Variants in TIAM1 observed in about 807,000 individuals in gnomAD.
TIAM1 encodes the protein rho guanine nucleotide exchange factor TIAM1.
TIAM1 carries 65 observed loss-of-function variants against 163.5 expected under a neutral mutation model. The observed-to-expected ratio is 0.40, with a 90% CI of 0.33 to 0.49. The LOEUF (loss-of-function observed/expected upper bound fraction) is 0.49. TIAM1 is among the 20% of genes least tolerant of loss of function. The pLI, the probability that TIAM1 is intolerant of heterozygous loss-of-function variation, is 0.77. For missense variants in TIAM1, 1,789 were observed against 2,044.7 expected, an observed-to-expected ratio of 0.87 and a Z score of 2.41; for synonymous variants, 833 against 810.1, an observed-to-expected ratio of 1.03 and a Z score of -0.48.
At chr21:31,500,161 T>G (rs1294960543) in intron 1 of TIAM1, among the ~76,000 whole-genome samples, 1 of 151,934 alleles carries the variant, frequency 6.6e-6, no homozygotes, top group Admixed American at 6.6e-5. Flanking sequence ...CGAGACTCCA[T>G]CTCAAAAAAT....
chr21:31,517,058 AAAAAAAAAG>A (rs2047407005), intron 1 of TIAM1, among the ~76,000 whole-genome samples: 1 of 151,530 alleles, frequency 6.6e-6, no homozygotes, highest in African/African-American at 2.4e-5. Flanking sequence ...CAAAAAAAAA[AAAAAAAAAG>A]AAAAGAAAAG....
intron 2 of TIAM1, among the ~76,000 whole-genome samples, chr21:31,294,000 C>T (rs1016872113): frequency 1.3e-5 from 2 of 152,180 alleles, no homozygotes; most frequent in Admixed American, 1.3e-4. Context: ...CATAAGCTAC[C>T]CTGTTGGTGT....
At chr21:31,157,164 CA>C (rs2083662394) in intron 16 of TIAM1, among the ~76,000 whole-genome samples, 1 of 152,098 alleles carries the variant, frequency 6.6e-6, no homozygotes, top group South Asian at 2.1e-4. Context: ...AAATAAAGAC[CA>C]AAAGACTTCT....
At position 31,141,489 on chromosome 21, in the gene TIAM1, G is replaced by A. The variant is rs573213076; in HGVS notation, c.3491C>T (p.Ala1164Val). ...KVLVKAKTDT[A>V]FKAFLDAQNP... Reference sequence around the variant, plus strand: ...CTGGGCATCCAAGAATGCCTTGAAAGCCGTGTCTGTCTTGGCTGGCAGGGT... The same window carrying A: ...CTGGGCATCCAAGAATGCCTTGAAAACCGTGTCTGTCTTGGCTGGCAGGGT... The change falls in exon 21 of 28, where the codon GCT (alanine) becomes GTT (valine). Residue 1164 changes from alanine to valine, a missense_variant. This residue lies in a region of TIAM1 where 60 missense variants were observed against 132.6 expected (regional missense o/e 0.45). Transcript: ENST00000541036. The surrounding 1 kb of genome is among the most constrained non-coding windows in gnomAD (Gnocchi z 4.7). 2.5e-6 allele frequency: 4 copies of A among 1,614,114 alleles called. No homozygotes were observed. The highest frequency in any genetic ancestry group is 3.4e-6 in the Non-Finnish European group (4 of 1,180,004).
chr21:31,283,125 C>G (rs2073643291), intron 2 of TIAM1, among the ~76,000 whole-genome samples: 1 of 152,196 alleles, frequency 6.6e-6, no homozygotes, highest in Admixed American at 6.5e-5. Flanking sequence ...CAACTTAGGG[C>G]GAGCTACCAT....
intron 2 of TIAM1, among the ~76,000 whole-genome samples, chr21:31,394,806 C>G (rs2082076649): frequency 6.7e-6 from 1 of 149,138 alleles, no homozygotes; most frequent in Non-Finnish European, 1.5e-5. Context: ...ACACACAGGG[C>G]TCCTGTTTAT....
chr21:31,318,753 A>C (rs1287992561), intron 2 of TIAM1, among the ~76,000 whole-genome samples: 4 of 152,178 alleles, frequency 2.6e-5, no homozygotes, highest in African/African-American at 9.6e-5. Flanking sequence ...TTTTGTCTTT[A>C]TCTTGATAAT....
intron 11 of TIAM1, among the ~76,000 whole-genome samples, chr21:31,209,023 C>T (rs1015113474): frequency 1.3e-4 from 20 of 152,124 alleles, no homozygotes; most frequent in African/African-American, 4.6e-4. Context: ...TTCTTCTGAG[C>T]CTTACTGATT....
In TIAM1 at chr21:31,120,263, G is replaced by T; in HGVS notation, c.*105C>A. ...CAAGTCAGCTGCCAAAACCGTGTGTGCAAGAGCGCGACCTAAGGGGACATT... is the reference window on the plus strand; with the variant it reads ...CAAGTCAGCTGCCAAAACCGTGTGTTCAAGAGCGCGACCTAAGGGGACATT... On this transcript the variant is annotated 3_prime_UTR_variant, in exon 28 of 28. Transcript: ENST00000541036. The surrounding 1 kb of genome is among the most constrained non-coding windows in gnomAD (Gnocchi z 4.2). 8.2e-7 allele frequency: 1 copy of T among 1,212,356 alleles called. No individual in the cohort carries two copies. The highest frequency in any genetic ancestry group is 1.1e-6 in the Non-Finnish European group (1 of 881,200). 75.1% of individuals were successfully genotyped at this position (1,212,356 alleles called of 1,614,324 possible). A position where few individuals can be genotyped will look rare whatever the true frequency, so the allele number is the denominator to read the frequency against.
At chr21:31,344,006 G>C (rs915150625) in intron 1 of TIAM1, 132 bp downstream of exon 1, 1 of 152,186 alleles carries the variant, frequency 6.6e-6, no homozygotes, top group Non-Finnish European at 1.5e-5. Flanking sequence ...ACGGTTCCCC[G>C]GCCCCAGCTG....
At chr21:31,301,408 C>T (rs939806460) in intron 2 of TIAM1, among the ~76,000 whole-genome samples, 2 of 152,150 alleles carry the variant, frequency 1.3e-5, no homozygotes, top group African/African-American at 4.8e-5. Context: ...AAACAAGACA[C>T]CATTGGGATT....
intron 17 of TIAM1, 95 bp downstream of exon 17, chr21:31,154,152 C>A (rs2083503869): frequency 7.4e-7 from 1 of 1,346,928 alleles, no homozygotes. Context: ...TTCATGAACA[C>A]AGTTTAAATC....
At chr21:31,322,793 C>T (rs1421063260) in intron 2 of TIAM1, among the ~76,000 whole-genome samples, 1 of 151,898 alleles carries the variant, frequency 6.6e-6, no homozygotes, top group Non-Finnish European at 1.5e-5. Flanking sequence ...ACATTTTAAA[C>T]CTATCTACAC....
chr21:31,431,662 C>T (rs543452435), intron 2 of TIAM1, among the ~76,000 whole-genome samples: 35 of 152,350 alleles, frequency 2.3e-4, no homozygotes, highest in African/African-American at 8.4e-4. Flanking sequence ...TAGGCAATTA[C>T]GTCACTTTAC....
intron 1 of TIAM1, among the ~76,000 whole-genome samples, chr21:31,468,372 A>G (rs2045607713): frequency 6.6e-6 from 1 of 151,990 alleles, no homozygotes; most frequent in South Asian, 2.1e-4. Flanking sequence ...AATCCCAGCT[A>G]CTTGGGAGGC....
chr21:31,512,530 C>A (rs963304690), intron 1 of TIAM1, among the ~76,000 whole-genome samples: 1 of 152,198 alleles, frequency 6.6e-6, no homozygotes, highest in Admixed American at 6.5e-5. Flanking sequence ...ATATTTAACT[C>A]CAGGGACTAA....
chr21:31,529,779 C>CTCTTT (rs58351343), intron 1 of TIAM1, among the ~76,000 whole-genome samples: 60,704 of 151,778 alleles, frequency 0.4, 12,591 homozygotes, highest in Admixed American at 0.47. Flanking sequence ...ATCATCTCTC[C>CTCTTT]TAACTCCAGA....
At chr21:31,452,887 A>G in intron 2 of TIAM1, 1 of 516,942 alleles carries the variant, frequency 1.9e-6, no homozygotes, top group Non-Finnish European at 3.9e-6. Flanking sequence ...TCTTTTTGGT[A>G]TGACGATGTC....
chr21:31,250,879 A>C (rs1361133802), intron 5 of TIAM1, among the ~76,000 whole-genome samples: 1 of 124,400 alleles, frequency 8.0e-6, no homozygotes, highest in Non-Finnish European at 1.8e-5. Flanking sequence ...AAATACAAGC[A>C]TGGTTATATA....
Sources: allele counts gnomAD v4.1 joint callset (sites outside exome capture counted in the v4.1 genomes callset), GRCh38; gene constraint gnomAD v4.1.1; regional missense constraint gnomAD v4.1.1; non-coding constraint Gnocchi (gnomAD v3.1); transcripts MANE v1.5; gene names NCBI Gene and HGNC (gene_info 2026-07-23, HGNC 2026-07-21).